Variants in CIRSR observed in about 807,000 individuals in gnomAD.
CIRSR encodes the protein corepressor of RBPJ and splicing regulator.
At chr2:174,352,222 CACACAT>C in the CIRSR span, among the ~76,000 whole-genome samples, 1 of 151,628 alleles carries the variant, frequency 6.6e-6, no homozygotes, top group African/African-American at 2.4e-5. Context: ...CACACACACA[CACACAT>C]ACACACACAC....
the CIRSR span, among the ~76,000 whole-genome samples, chr2:174,375,821 C>T: frequency 6.6e-6 from 1 of 152,088 alleles, no homozygotes. Flanking sequence ...GTCCTTTGCT[C>T]CTTTATGTTT....
the CIRSR span, among the ~76,000 whole-genome samples, chr2:174,375,543 AG>A: frequency 4.6e-5 from 7 of 152,282 alleles, no homozygotes; most frequent in South Asian, 1.2e-3. Flanking sequence ...TGGGAAGCAA[AG>A]GTTGCAGTGA....
At chr2:174,357,767 TAA>T in the CIRSR span, among the ~76,000 whole-genome samples, 2 of 152,208 alleles carry the variant, frequency 1.3e-5, no homozygotes, top group African/African-American at 4.8e-5. Flanking sequence ...TAAGAAAGCT[TAA>T]AGTTATCTTT....
chr2:174,380,529 T>C, the CIRSR span: 12 of 883,008 alleles, frequency 1.4e-5, no homozygotes, highest in East Asian at 3.0e-4. Flanking sequence ...ATTAAAATCA[T>C]TAAAGATAAC....
chr2:174,390,716 G>A, the CIRSR span, among the ~76,000 whole-genome samples: 1 of 152,148 alleles, frequency 6.6e-6, no homozygotes, highest in Non-Finnish European at 1.5e-5. Context: ...CCGATGGGAG[G>A]TAACTGAATA....
chr2:174,348,903 CTCT>C, the CIRSR span: 3 of 1,614,132 alleles, frequency 1.9e-6, no homozygotes, highest in African/African-American at 1.3e-5. Flanking sequence ...ATGAAGCTTT[CTCT>C]TCTTAGACTT....
the CIRSR span, among the ~76,000 whole-genome samples, chr2:174,353,318 A>C: frequency 6.6e-6 from 1 of 152,212 alleles, no homozygotes; most frequent in African/African-American, 2.4e-5. Context: ...TCTATACAAA[A>C]TGTTTAATTC....
the CIRSR span, among the ~76,000 whole-genome samples, chr2:174,371,904 T>C: frequency 6.6e-6 from 1 of 152,220 alleles, no homozygotes; most frequent in East Asian, 1.9e-4. Flanking sequence ...ATTGCAAAAA[T>C]AATCTCTATT....
chr2:174,348,980 T>C, the CIRSR span: 5 of 1,598,466 alleles, frequency 3.1e-6, no homozygotes, highest in African/African-American at 6.8e-5. Flanking sequence ...TTTTCTTCCT[T>C]TGTATTTTTT....
the CIRSR span, among the ~76,000 whole-genome samples, chr2:174,364,377 T>C: frequency 1.3e-5 from 2 of 152,226 alleles, no homozygotes; most frequent in African/African-American, 4.8e-5. Context: ...ACCTGCAGCT[T>C]TTCCAGGCAC....
chr2:174,351,633 T>C, the CIRSR span: 7 of 1,613,390 alleles, frequency 4.3e-6, no homozygotes, highest in Middle Eastern at 1.7e-4. Flanking sequence ...GATGGATCAT[T>C]TGCGGTCAAG....
chr2:174,381,360 A>G, the CIRSR span, among the ~76,000 whole-genome samples: 1 of 152,156 alleles, frequency 6.6e-6, no homozygotes, highest in Non-Finnish European at 1.5e-5. Context: ...AAGACTTAAA[A>G]GAAAAGGAAG....
chr2:174,369,204 C>G, the CIRSR span, among the ~76,000 whole-genome samples: 2 of 152,244 alleles, frequency 1.3e-5, no homozygotes, highest in Non-Finnish European at 2.9e-5. Context: ...TCAGCATTTG[C>G]TGCTTCACCT....
At chr2:174,348,492 C>G in the CIRSR span, 1 of 1,590,888 alleles carries the variant, frequency 6.3e-7, no homozygotes, top group Non-Finnish European at 8.6e-7. Flanking sequence ...TTCTCTACTT[C>G]TGCTTCATTC....
At chr2:174,351,469 A>G in the CIRSR span, 1 of 521,386 alleles carries the variant, frequency 1.9e-6, no homozygotes, top group East Asian at 3.3e-5. Flanking sequence ...AAAATAATAA[A>G]GCAAAATCAA....
chr2:174,363,446 T>C, the CIRSR span, among the ~76,000 whole-genome samples: 1 of 152,186 alleles, frequency 6.6e-6, no homozygotes, highest in Non-Finnish European at 1.5e-5. Context: ...CCTAGCCAGA[T>C]AAACATAAAA....
chr2:174,380,181 AG>A, the CIRSR span: 38 of 1,533,548 alleles, frequency 2.5e-5, no homozygotes, highest in Admixed American at 7.6e-5. Context: ...ATTCTTACAG[AG>A]TAAAATATGT....
the CIRSR span, among the ~76,000 whole-genome samples, chr2:174,349,879 G>A: frequency 3.3e-5 from 5 of 152,040 alleles, no homozygotes; most frequent in African/African-American, 9.7e-5. Flanking sequence ...TTAATTTTAT[G>A]TACTATTTTA....
chr2:174,351,771 A>G, the CIRSR span: 2 of 1,502,980 alleles, frequency 1.3e-6, no homozygotes, highest in African/African-American at 2.8e-5. Context: ...ATATCTCTCT[A>G]CCTTTTTCGG....
Sources: allele counts gnomAD v4.1 joint callset (sites outside exome capture counted in the v4.1 genomes callset), GRCh38; gene constraint gnomAD v4.1.1; transcripts MANE v1.5; gene names NCBI Gene and HGNC (gene_info 2026-07-23, HGNC 2026-07-21).